The following VPS13B variants were observed in gnomAD, a reference collection of about 807,000 sequenced individuals.
VPS13B encodes vacuolar protein sorting 13 homolog B, also known as intermembrane lipid transfer protein VPS13B.
Under a neutral mutation model 426.4 loss-of-function variants are expected in VPS13B, and 285 were observed. That is an observed-to-expected ratio of 0.67 (90% CI 0.61 to 0.74). The LOEUF is 0.74. VPS13B is among the 30% of genes least tolerant of loss of function. VPS13B has a pLI of 0.00. For synonymous variants in VPS13B, 1,676 were observed against 1,676.4 expected, an observed-to-expected ratio of 1.00 and a Z score of 0.01; for missense variants, 4,537 against 4,782.6, an observed-to-expected ratio of 0.95 and a Z score of 1.51.
chr8:99,085,014 A>AC (rs141484797), intron 3 of VPS13B, among the ~76,000 whole-genome samples: 124,259 of 151,928 alleles, frequency 0.82, 51,307 homozygotes, highest in South Asian at 0.89. Flanking sequence ...ATCCTTGTTA[A>AC]TTTCTGTCTC....
intron 23 of VPS13B, among the ~76,000 whole-genome samples, chr8:99,450,195 T>C (rs540390369): frequency 1.3e-5 from 2 of 152,296 alleles, no homozygotes; most frequent in South Asian, 4.1e-4. Context: ...AAAAATATTA[T>C]TTGAGAAATG....
intron 17 of VPS13B, among the ~76,000 whole-genome samples, chr8:99,239,688 CAG>C (rs908907755): frequency 4.3e-5 from 3 of 69,284 alleles, no homozygotes; most frequent in African/African-American, 1.3e-4. Flanking sequence ...TCAGTTCAGC[CAG>C]AGTCAATCTA....
intron 35 of VPS13B, among the ~76,000 whole-genome samples, chr8:99,695,698 T>C (rs947726666): frequency 1.7e-5 from 1 of 60,490 alleles, no homozygotes; most frequent in African/African-American, 5.5e-5. Context: ...TAAAGTATAA[T>C]AAAAAAAAAA....
chr8:99,471,741 C>T (rs1819418657), intron 24 of VPS13B, among the ~76,000 whole-genome samples: 1 of 151,960 alleles, frequency 6.6e-6, no homozygotes, highest in Non-Finnish European at 1.5e-5. Flanking sequence ...CCAAATTTGC[C>T]CACACTCCTT....
chr8:99,490,095 G>A (rs912093703), intron 25 of VPS13B, among the ~76,000 whole-genome samples: 1 of 152,178 alleles, frequency 6.6e-6, no homozygotes, highest in African/African-American at 2.4e-5. Flanking sequence ...AGTTTATTGA[G>A]AGTTTTTAGC....
intron 19 of VPS13B, among the ~76,000 whole-genome samples, chr8:99,368,691 T>C (rs1317210060): frequency 6.6e-6 from 1 of 152,204 alleles, no homozygotes; most frequent in Non-Finnish European, 1.5e-5. Flanking sequence ...TGCTAAATAG[T>C]GTTTACCTAT....
At chr8:99,768,731 A>T (rs1363464227) in intron 40 of VPS13B, among the ~76,000 whole-genome samples, 1 of 152,200 alleles carries the variant, frequency 6.6e-6, no homozygotes, top group South Asian at 2.1e-4. Context: ...GTGAAAATAT[A>T]TTAGAGAAGT....
rs3105204 is a variant in VPS13B at position 99,467,833 on chromosome 8, A to G, written c.3666+199A>G. On this transcript the variant is annotated intron_variant, in intron 24 of 61. Transcript: ENST00000357162. The stretch of plus-strand genomic sequence containing the variant: ...TAATTTAAACTCTTCTGAAAATGTA[A>G]TGGTGGCAGTACAAATGTATCTTTT... Among the ~76,000 whole-genome samples, 26,541 of 146,940 alleles carry G rather than the reference A, an allele frequency of 0.18. 2,850 individuals are homozygous for G. The highest frequency in any genetic ancestry group is 0.39 in the East Asian group (2,006 of 5,156).
chr8:99,766,229 G>A (rs1248227092), intron 39 of VPS13B, among the ~76,000 whole-genome samples: 9 of 151,860 alleles, frequency 5.9e-5, no homozygotes, highest in Middle Eastern at 3.4e-3. Flanking sequence ...ACAGGTGCAC[G>A]CCACCACACC....
chr8:99,547,684 A>G (rs1220466977), intron 30 of VPS13B, among the ~76,000 whole-genome samples: 1 of 152,112 alleles, frequency 6.6e-6, no homozygotes, highest in South Asian at 2.1e-4. Context: ...TGATTACATT[A>G]TCGACCAACT....
intron 23 of VPS13B, among the ~76,000 whole-genome samples, chr8:99,464,757 G>T (rs1286012375): frequency 6.6e-6 from 1 of 152,126 alleles, no homozygotes; most frequent in East Asian, 1.9e-4. Flanking sequence ...AGTCTCACTG[G>T]TTGTTCTTTA....
At chr8:99,557,465 G>A (rs1824649289) in intron 31 of VPS13B, among the ~76,000 whole-genome samples, 1 of 152,066 alleles carries the variant, frequency 6.6e-6, no homozygotes, top group African/African-American at 2.4e-5. Context: ...TGCTGCAAAA[G>A]ACATTGTTTC....
chr8:99,356,763 AAATT>A (rs1297866707), intron 19 of VPS13B, among the ~76,000 whole-genome samples: 4 of 152,216 alleles, frequency 2.6e-5, no homozygotes, highest in Non-Finnish European at 5.9e-5. Flanking sequence ...ATGGAAGTTA[AAATT>A]AATTACTTTG....
At chr8:99,861,327 G>C (rs1258832301) in intron 57 of VPS13B, among the ~76,000 whole-genome samples, 1 of 152,224 alleles carries the variant, frequency 6.6e-6, no homozygotes, top group East Asian at 1.9e-4. Flanking sequence ...TTTGAGACAA[G>C]GTCTCACTCT....
At chr8:99,028,953 C>T (rs542203764) in intron 2 of VPS13B, among the ~76,000 whole-genome samples, 3,759 of 141,116 alleles carry the variant, frequency 0.027, 64 homozygotes, top group Non-Finnish European at 0.04. Flanking sequence ...GGGTGGCTGC[C>T]GGACGGAGGG....
intron 47 of VPS13B, among the ~76,000 whole-genome samples, 182 bp downstream of exon 47, chr8:99,819,070 T>A (rs1035904350): frequency 6.6e-6 from 1 of 152,228 alleles, no homozygotes; most frequent in Admixed American, 6.5e-5. Context: ...TAGGGATCTC[T>A]TATTCTCATC....
intron 31 of VPS13B, among the ~76,000 whole-genome samples, chr8:99,572,411 T>G (rs963040830): frequency 6.6e-6 from 1 of 152,140 alleles, no homozygotes; most frequent in Non-Finnish European, 1.5e-5. Context: ...GCTGCACCCA[T>G]TAACTCATCA....
chr8:99,481,451 A>G, intron 24 of VPS13B, 148 bp from the exon 25 acceptor site: 1 of 865,970 alleles, frequency 1.2e-6, no homozygotes, highest in Non-Finnish European at 1.8e-6. Flanking sequence ...TTTCAAGTGT[A>G]AGTTAAAGTG....
intron 58 of VPS13B, among the ~76,000 whole-genome samples, chr8:99,864,974 C>CA (rs1342859687): frequency 6.6e-6 from 1 of 152,196 alleles, no homozygotes; most frequent in African/African-American, 2.4e-5. Flanking sequence ...CTTCTTGACT[C>CA]TGCTTCACCC....
Sources: allele counts gnomAD v4.1 joint callset (sites outside exome capture counted in the v4.1 genomes callset), GRCh38; gene constraint gnomAD v4.1.1; transcripts MANE v1.5; gene names NCBI Gene and HGNC (gene_info 2026-07-23, HGNC 2026-07-21).